Variants in DLGAP2 observed in about 807,000 individuals in gnomAD.
The protein encoded by DLGAP2 is DLG associated protein 2.
A neutral mutation model predicts 100.3 loss-of-function variants in DLGAP2; 26 were observed. The ratio of observed to expected loss-of-function variants is 0.26; its 90% confidence interval spans 0.19 to 0.36. The LOEUF is 0.36. DLGAP2 is among the 10% of genes least tolerant of loss of function. The pLI is 1.00. For missense variants in DLGAP2, 1,858 were observed against 1,453.2 expected, an observed-to-expected ratio of 1.28 and a Z score of -4.53; for synonymous variants, 886 against 630.1, an observed-to-expected ratio of 1.41 and a Z score of -6.08.
chr8:939,885 C>T (rs1799153987), intron 2 of DLGAP2, among the ~76,000 whole-genome samples: 1 of 150,598 alleles, frequency 6.6e-6, no homozygotes, highest in Non-Finnish European at 1.5e-5. Flanking sequence ...CTGGGGTGCC[C>T]ACTCGGAGGC....
At chr8:1,515,353 C>G (rs1345514765) in intron 4 of DLGAP2, among the ~76,000 whole-genome samples, 2 of 152,208 alleles carry the variant, frequency 1.3e-5, no homozygotes, top group Non-Finnish European at 2.9e-5. Flanking sequence ...TCCCTTAAGA[C>G]AGACAGGGCA....
chr8:1,550,343 C>A (rs991475075), intron 5 of DLGAP2, among the ~76,000 whole-genome samples: 1 of 152,190 alleles, frequency 6.6e-6, no homozygotes, highest in Non-Finnish European at 1.5e-5. Flanking sequence ...ACGGGCAGCT[C>A]TCATGCGTGA....
intron 1 of DLGAP2, among the ~76,000 whole-genome samples, chr8:780,829 C>T (rs961245350): frequency 1.3e-5 from 2 of 152,204 alleles, no homozygotes; most frequent in African/African-American, 2.4e-5. Flanking sequence ...GTCCTTCCGC[C>T]TTCCCCACAC....
chr8:1,671,331 C>T (rs936077935), intron 10 of DLGAP2, among the ~76,000 whole-genome samples: 3 of 152,262 alleles, frequency 2.0e-5, no homozygotes, highest in African/African-American at 7.2e-5. Flanking sequence ...GCCCGTGTTC[C>T]ACCAGCATTC....
chr8:1,339,864 T>C (rs527683786), intron 3 of DLGAP2, among the ~76,000 whole-genome samples: 6 of 152,354 alleles, frequency 3.9e-5, no homozygotes, highest in Middle Eastern at 3.4e-3. Context: ...AGGTGGAACT[T>C]ATTTTTTTAT....
chr8:1,507,609 C>T (rs1335407715), intron 4 of DLGAP2, among the ~76,000 whole-genome samples: 1 of 152,308 alleles, frequency 6.6e-6, no homozygotes, highest in Non-Finnish European at 1.5e-5. Flanking sequence ...GGAGTGGGCG[C>T]CGAGGCGGAG....
At chr8:1,459,805 C>A (rs1390461014) in intron 3 of DLGAP2, among the ~76,000 whole-genome samples, 3 of 150,786 alleles carry the variant, frequency 2.0e-5, no homozygotes, top group African/African-American at 7.3e-5. Flanking sequence ...CCTGTGTCAG[C>A]CTCCCGAGTA....
chr8:1,540,045 G>T (rs565454118), intron 4 of DLGAP2, among the ~76,000 whole-genome samples: 1 of 152,282 alleles, frequency 6.6e-6, no homozygotes, highest in South Asian at 2.1e-4. Context: ...GCCTCCTCTT[G>T]CCTGCTCTCC....
rs1281927249 is a variant in DLGAP2, at chr8:1,659,813, C to T, written c.1811-8516C>T. Among the ~76,000 whole-genome samples, 4 of 152,266 alleles carry T rather than the reference C, an allele frequency of 2.6e-5. No individual in the cohort carries two copies. In the South Asian group the frequency reaches 6.2e-4, roughly 24 times the overall value. ...CTTTATCCAGTTTGCCATTCTGTGT[C>T]TTTTAACTGGGGCATTTAGCCTGTT... On this transcript the variant is annotated intron_variant, in intron 8 of 14. Coordinates refer to ENST00000637795, the MANE Select transcript of DLGAP2 (RefSeq NM_001346810.2).
intron 6 of DLGAP2, among the ~76,000 whole-genome samples, chr8:1,607,705 G>A (rs939529776): frequency 6.6e-6 from 1 of 152,234 alleles, no homozygotes; most frequent in Non-Finnish European, 1.5e-5. Flanking sequence ...AGCCGAAGCA[G>A]GGCGAGGCAT....
At chr8:772,219 T>C (rs1821382000) in intron 1 of DLGAP2, among the ~76,000 whole-genome samples, 1 of 151,830 alleles carries the variant, frequency 6.6e-6, no homozygotes, top group Non-Finnish European at 1.5e-5. Flanking sequence ...AATTTTAAAT[T>C]TTCTAGTAGC....
intron 10 of DLGAP2, among the ~76,000 whole-genome samples, chr8:1,671,068 G>A (rs1240635683): frequency 6.6e-6 from 1 of 152,234 alleles, no homozygotes; most frequent in Non-Finnish European, 1.5e-5. Flanking sequence ...ATTGTGCCCA[G>A]ACTATGGATG....
chr8:1,318,620 G>A (rs1800821457), intron 3 of DLGAP2, among the ~76,000 whole-genome samples: 1 of 151,954 alleles, frequency 6.6e-6, no homozygotes, highest in African/African-American at 2.4e-5. Context: ...TCGAAAGGCA[G>A]TTCTCTCATG....
chr8:1,116,657 A>C (rs1455292158), intron 2 of DLGAP2, among the ~76,000 whole-genome samples: 1 of 152,116 alleles, frequency 6.6e-6, no homozygotes, highest in African/African-American at 2.4e-5. Flanking sequence ...AGTTAGCCAC[A>C]CGTGGTGGCA....
chr8:1,434,810 G>A lies in DLGAP2; in HGVS notation c.107-66556G>A, dbSNP rs563912461. Among the ~76,000 whole-genome samples the A allele has an allele frequency of 1.7e-4, 26 of 152,266 alleles. No homozygotes were observed. In the South Asian group the frequency reaches 5.4e-3, roughly 32 times the overall value. ...TTTTGAGAAACAGAAAATGCTCCGT[G>A]AACATGAGTAACATGCATTATCGTT... On this transcript the variant is annotated intron_variant, in intron 3 of 14. Transcript: ENST00000637795.
rs372804379 is a variant in DLGAP2 at position 1,494,042 on chromosome 8, C to CGG, written c.107-7317_107-7316dup. On this transcript the variant is annotated intron_variant, in intron 3 of 14. Coordinates refer to ENST00000637795, the MANE Select transcript of DLGAP2 (RefSeq NM_001346810.2). ...GGGCCCCTGCCCTCCCATTCTGCAT[C>CGG]GGGGGGGGCAGTAGGATGAACCCAT... Among the ~76,000 whole-genome samples, 712 of 98,188 alleles carry CGG rather than the reference C, an allele frequency of 7.3e-3. 7 individuals are homozygous for CGG. Among genetic ancestry groups the CGG allele is most frequent in the African/African-American group, 0.023 (671 of 28,598 alleles). The allele number at this position is 98,188 out of a possible 152,430, so 64.4% of individuals were successfully genotyped here. A position where few individuals can be genotyped will look rare whatever the true frequency, so the allele number is the denominator to read the frequency against.
At chr8:973,537 C>T (rs1285876023) in intron 2 of DLGAP2, among the ~76,000 whole-genome samples, 1 of 152,188 alleles carries the variant, frequency 6.6e-6, no homozygotes, top group Non-Finnish European at 1.5e-5. Context: ...AGAGATGCTC[C>T]TCACTTCTTT....
intron 2 of DLGAP2, among the ~76,000 whole-genome samples, chr8:1,196,396 G>A (rs1797750197): frequency 6.6e-6 from 1 of 152,160 alleles, no homozygotes; most frequent in African/African-American, 2.4e-5. Context: ...CTAACACAGG[G>A]GAGAAGCCAG....
intron 3 of DLGAP2, among the ~76,000 whole-genome samples, chr8:1,323,729 C>T (rs548790501): frequency 5.8e-4 from 89 of 152,306 alleles, no homozygotes; most frequent in African/African-American, 2.0e-3. Flanking sequence ...GCCCTGCCTC[C>T]GCTCCAATGA....
Sources: allele counts gnomAD v4.1 joint callset (sites outside exome capture counted in the v4.1 genomes callset), GRCh38; gene constraint gnomAD v4.1.1; transcripts MANE v1.5; gene names NCBI Gene and HGNC (gene_info 2026-07-23, HGNC 2026-07-21).